Variants in ATP11C observed in about 807,000 individuals in gnomAD.
The protein encoded by ATP11C is ATPase phospholipid transporting 11C (ATP11C blood group), also known as phospholipid-transporting ATPase IG.
In ATP11C, 36 loss-of-function variants were observed where a neutral mutation model predicts 97.4. The observed-to-expected ratio is 0.37, with a 90% confidence interval of 0.28 to 0.49. The LOEUF is 0.49. ATP11C is among the 20% of genes least tolerant of loss of function. ATP11C has a pLI of 0.98. For synonymous variants in ATP11C, 275 were observed against 290.9 expected, an observed-to-expected ratio of 0.95 and a Z score of 0.56; for missense variants, 730 against 824.6, an observed-to-expected ratio of 0.89 and a Z score of 1.40.
In ATP11C at chrX:139,866,343, C is replaced by CAAAAAAAAAAAAA. The variant is rs57250412; in HGVS notation, c.28-39533_28-39521dup. ...TGGGTGACAGAGAAAGACTCTGTCT[C>CAAAAAAAAAAAAA]AAAAAAAAAAAAAAAAAAAAAAAAC... On this transcript the variant is annotated intron_variant, in intron 1 of 29. Coordinates refer to ENST00000682941, the MANE Select transcript of ATP11C (RefSeq NM_001353812.2). Among the ~76,000 whole-genome samples the CAAAAAAAAAAAAA allele has an allele frequency of 2.1e-3, 58 of 27,546 alleles. 3 individuals carry two copies. In the East Asian group the frequency reaches 0.023, roughly 11 times the overall value. The allele number at this position is 27,546 out of a possible 115,157, so 23.9% of individuals were successfully genotyped here. A position where few individuals can be genotyped will look rare whatever the true frequency, so the allele number is the denominator to read the frequency against.
intron 26 of ATP11C, among the ~76,000 whole-genome samples, chrX:139,742,104 T>C (rs758693159): frequency 9.9e-5 from 11 of 111,493 alleles, no homozygotes; most frequent in Non-Finnish European, 1.9e-4. Context: ...TGAAAAACAC[T>C]GTGAAGGCCA....
At chrX:139,752,933 A>G (rs758834244) in intron 23 of ATP11C, among the ~76,000 whole-genome samples, 2 of 112,136 alleles carry the variant, frequency 1.8e-5, no homozygotes, top group African/African-American at 6.5e-5. Context: ...TGTAAGAGAC[A>G]GCATACCAAA....
At chrX:139,894,449 G>A (rs942719819) in intron 1 of ATP11C, among the ~76,000 whole-genome samples, 6 of 112,054 alleles carry the variant, frequency 5.4e-5, no homozygotes, top group Non-Finnish European at 1.9e-5. Flanking sequence ...TGGATCTCAT[G>A]AAGATAGAGA....
At chrX:139,832,703 A>G (rs1040136421) in intron 1 of ATP11C, among the ~76,000 whole-genome samples, 4 of 112,362 alleles carry the variant, frequency 3.6e-5, no homozygotes, top group Non-Finnish European at 7.5e-5. Context: ...ACTATGATAC[A>G]GTTTCTCCAC....
rs2082485549 is a variant in ATP11C, at chrX:139,782,584, T to C, written c.1915A>G (p.Asn639Asp). 3 of 1,206,859 alleles carry C rather than the reference T, an allele frequency of 2.5e-6. No homozygotes were observed. Among genetic ancestry groups the C allele is most frequent in the East Asian group, 3.0e-5 (1 of 33,733 alleles). The change falls in exon 18 of 30, where the codon AAC becomes GAC. Residue 639 changes from asparagine (N) to aspartate (D), a missense_variant. Physicochemically the swap from Asn to Asp is conservative, Grantham distance 23 (BLOSUM62 1). Coordinates refer to ENST00000682941, the MANE Select transcript of ATP11C (RefSeq NM_001353812.2). ...GCAGTGGCTCCAATTAAATTCATGT[T>C]TGTCTCAATATCATCGAAAACTTTT... ...MEKVFDDIET[N>D]MNLIGATAVE...
At chrX:139,758,293 T>C (rs760730556) in intron 22 of ATP11C, among the ~76,000 whole-genome samples, 9 of 112,549 alleles carry the variant, frequency 8.0e-5, no homozygotes, top group Non-Finnish European at 1.7e-4. Context: ...ACACTAACAA[T>C]ATCAACTAAC....
chrX:139,791,688 A>G (rs2082693420), intron 12 of ATP11C, among the ~76,000 whole-genome samples: 1 of 110,859 alleles, frequency 9.0e-6, no homozygotes, highest in South Asian at 3.9e-4. Flanking sequence ...CCGCCCTAAT[A>G]TATGATCTAT....
Position 139,788,298 on chromosome X carries a change from C to T in ATP11C, c.1414G>A (p.Val472Ile). ...ACAGCATCGTTTGTTTTGATTTCTA[C>T]AGTATGACATAAACACAAGGCACGT... is the stretch of plus-strand genomic sequence containing the variant. ...FLRALCLCHT[V>I]EIKTNDAVDG... Residue 472 changes from valine to isoleucine, a missense_variant, in exon 14 of 30, where the codon GTA (valine) becomes ATA (isoleucine). By Grantham distance (29) the Val-to-Ile change is conservative (BLOSUM62 3). Coordinates refer to ENST00000682941, the MANE Select transcript of ATP11C (RefSeq NM_001353812.2). 8.3e-7 allele frequency: 1 copy of T among 1,207,907 alleles called. No individual in the cohort carries two copies.
chrX:139,745,341 C>T (rs1438817764), intron 25 of ATP11C, among the ~76,000 whole-genome samples: 2 of 111,512 alleles, frequency 1.8e-5, no homozygotes, highest in East Asian at 2.8e-4. Context: ...GGCAGCTACC[C>T]GCTTCAGCTC....
chrX:139,818,580 C>A (rs1569470166), intron 3 of ATP11C, among the ~76,000 whole-genome samples: 1 of 111,763 alleles, frequency 8.9e-6, no homozygotes. Context: ...ATATTATATC[C>A]CAGACTGATT....
intron 1 of ATP11C, among the ~76,000 whole-genome samples, chrX:139,872,021 A>T (rs1475646938): frequency 3.6e-5 from 4 of 111,285 alleles, no homozygotes; most frequent in African/African-American, 1.3e-4. Context: ...AAAAGGATCT[A>T]AGTTTTAAGT....
chrX:139,740,585 T>C (rs925189512), intron 27 of ATP11C, among the ~76,000 whole-genome samples: 15 of 112,254 alleles, frequency 1.3e-4, no homozygotes, highest in African/African-American at 3.9e-4. Flanking sequence ...CATGGTTATA[T>C]ACTATCAAGA....
intron 1 of ATP11C, among the ~76,000 whole-genome samples, chrX:139,865,638 T>C (rs888541028): frequency 9.0e-6 from 1 of 110,523 alleles, no homozygotes; most frequent in African/African-American, 3.3e-5. Flanking sequence ...GGCGTGCACC[T>C]GTAATCCCAG....
intron 12 of ATP11C, among the ~76,000 whole-genome samples, chrX:139,795,264 C>G (rs1004294285): frequency 8.9e-6 from 1 of 111,806 alleles, no homozygotes; most frequent in African/African-American, 3.3e-5. Context: ...AAAATGGTAT[C>G]TGGAGAGTCC....
At chrX:139,796,969 T>C (rs1207013408) in intron 11 of ATP11C, among the ~76,000 whole-genome samples, 1 of 110,755 alleles carries the variant, frequency 9.0e-6, no homozygotes, top group Non-Finnish European at 1.9e-5. Flanking sequence ...ATAAAGAAAA[T>C]AAAAGTTTTT....
intron 1 of ATP11C, among the ~76,000 whole-genome samples, chrX:139,838,889 A>C (rs925749776): frequency 4.5e-5 from 5 of 110,625 alleles, no homozygotes; most frequent in Admixed American, 9.6e-5. Flanking sequence ...CAGAGATTAC[A>C]TTGAGCTGAG....
chrX:139,757,742 T>C, intron 23 of ATP11C, 66 bp downstream of exon 23: 1 of 760,081 alleles, frequency 1.3e-6, no homozygotes, highest in South Asian at 3.3e-5. Context: ...AGAAATCTAA[T>C]ATATAAGGGT....
At chrX:139,929,079 T>C (rs1453953211) in intron 1 of ATP11C, among the ~76,000 whole-genome samples, 1 of 112,173 alleles carries the variant, frequency 8.9e-6, no homozygotes, top group Non-Finnish European at 1.9e-5. Context: ...TCTCAACTAG[T>C]CCAGACTTCT....
intron 1 of ATP11C, among the ~76,000 whole-genome samples, chrX:139,830,016 T>C (rs2083611793): frequency 9.0e-6 from 1 of 111,695 alleles, no homozygotes; most frequent in African/African-American, 3.3e-5. Context: ...CCTCCAGACC[T>C]GACTAGATAA....
Sources: gnomAD v4.1 joint callset for allele counts (sites outside exome capture counted in the v4.1 genomes callset) on GRCh38, gnomAD v4.1.1 for gene constraint, MANE v1.5 for transcripts, NCBI Gene and HGNC (gene_info 2026-07-23, HGNC 2026-07-21) for gene names.